Variants in SCP2 observed in about 807,000 individuals in gnomAD.
SCP2 encodes sterol carrier protein 2, also known as SCP-2/3-oxoacyl-CoA thiolase.
SCP2 carries 48 observed loss-of-function variants against 71.4 expected under a neutral mutation model. The ratio of observed to expected loss-of-function variants is 0.67; its 90% CI spans 0.53 to 0.86. SCP2 has a LOEUF of 0.86. Ranked by LOEUF, SCP2 falls within the 40% of genes least tolerant of loss-of-function variation. SCP2 has a pLI of 0.00. For missense variants in SCP2, 560 were observed against 655.6 expected, an observed-to-expected ratio of 0.85 and a Z score of 1.59; for synonymous variants, 220 against 218.1, an observed-to-expected ratio of 1.01 and a Z score of -0.08.
At position 52,967,529 on chromosome 1, in the gene SCP2, G is replaced by A. The variant is rs539492248; in HGVS notation, c.523+5900G>A. Among the ~76,000 whole-genome samples the A allele has an allele frequency of 2.0e-5, 3 of 152,204 alleles. No homozygotes were observed. In the East Asian group the frequency reaches 5.8e-4, roughly 29 times the overall value. On this transcript the variant is annotated intron_variant, in intron 6 of 15. Transcript: ENST00000371514. ...TGTCATTTGTTTATTTTGAGATGGA[G>A]TCTTGCTCTGTTGCCCAGGCTGGAG...
intron 13 of SCP2, among the ~76,000 whole-genome samples, chr1:53,036,093 G>A (rs1055269557): frequency 1.3e-5 from 2 of 150,132 alleles, no homozygotes; most frequent in Non-Finnish European, 3.0e-5. Flanking sequence ...ACAATCAACA[G>A]GATATTGGTT....
chr1:52,978,141 A>G (rs1285334592), intron 8 of SCP2, 76 bp from the exon 9 acceptor site: 2 of 1,440,754 alleles, frequency 1.4e-6, no homozygotes, highest in South Asian at 1.2e-5. Context: ...TTCCTTTCAC[A>G]TAGAAGTAAC....
intron 11 of SCP2, among the ~76,000 whole-genome samples, chr1:53,002,144 G>A (rs559290976): frequency 2.0e-5 from 3 of 149,334 alleles, no homozygotes; most frequent in South Asian, 2.1e-4. Flanking sequence ...CCGAGATCAC[G>A]CCACTGCACT....
intron 14 of SCP2, among the ~76,000 whole-genome samples, chr1:53,040,131 T>C (rs1460921673): frequency 1.3e-5 from 2 of 152,212 alleles, no homozygotes; most frequent in Non-Finnish European, 2.9e-5. Flanking sequence ...ATCATTGTTT[T>C]ATCCGGTCTC....
At chr1:53,031,259 C>T (rs1005912135) in intron 13 of SCP2, among the ~76,000 whole-genome samples, 6 of 152,132 alleles carry the variant, frequency 3.9e-5, no homozygotes, top group Admixed American at 3.9e-4. Flanking sequence ...TTTTATTTTA[C>T]AGTATTCTTT....
At chr1:53,011,239 C>G (rs1045937675) in intron 11 of SCP2, among the ~76,000 whole-genome samples, 1 of 152,148 alleles carries the variant, frequency 6.6e-6, no homozygotes, top group Non-Finnish European at 1.5e-5. Flanking sequence ...CGGATTATGA[C>G]TTTATTGTAC....
chr1:53,048,869 C>T (rs771771951), intron 15 of SCP2: 2 of 152,188 alleles, frequency 1.3e-5, no homozygotes, highest in African/African-American at 2.4e-5. Flanking sequence ...GAAACTAAGA[C>T]GTTTCTTTCC....
intron 6 of SCP2, among the ~76,000 whole-genome samples, chr1:52,971,452 T>C (rs1657488094): frequency 1.3e-5 from 2 of 152,256 alleles, no homozygotes. Context: ...AATGTCATTG[T>C]AGGGAACAAG....
At chr1:52,970,017 G>GT (rs1349472306) in intron 6 of SCP2, among the ~76,000 whole-genome samples, 1 of 151,916 alleles carries the variant, frequency 6.6e-6, no homozygotes, top group African/African-American at 2.4e-5. Flanking sequence ...CCTGATTACT[G>GT]TGTTAAATGT....
Position 52,960,080 on chromosome 1 carries a change from C to T in SCP2, c.397-1423C>T, listed in dbSNP as rs1314034801. 3.3e-5 allele frequency among the ~76,000 whole-genome samples: 5 copies of T among 151,718 alleles called. No homozygotes were observed. The East Asian group carries it at 7.8e-4, about 24-fold the overall frequency. ...CTAATTTTTTTATTTTTAGTAGCGA[C>T]GGGGTTTCACCACGTTGGCCAGGCT... is the stretch of plus-strand genomic sequence containing the variant. On this transcript the variant is annotated intron_variant, in intron 5 of 15. Coordinates refer to ENST00000371514, the MANE Select transcript of SCP2 (RefSeq NM_002979.5).
At chr1:52,933,567 C>T (rs1653368155) in intron 1 of SCP2, among the ~76,000 whole-genome samples, 1 of 152,120 alleles carries the variant, frequency 6.6e-6, no homozygotes, top group Non-Finnish European at 1.5e-5. Context: ...CAAAGGGAAA[C>T]AATCATATGT....
rs72899313 is a variant in SCP2, at chr1:52,965,373, T to C, written c.523+3744T>C. ...TAGGATTGTATTAATCTTGTTAATT[T>C]AGGGAAAACTGATGTATTTATGAGG... On this transcript the variant is annotated intron_variant, in intron 6 of 15. Transcript: ENST00000371514. Among the ~76,000 whole-genome samples the C allele has an allele frequency of 2.6e-3, 400 of 152,354 alleles. 1 individual carries two copies. Among genetic ancestry groups the C allele is most frequent in the African/African-American group, 9.1e-3 (378 of 41,592 alleles).
intron 11 of SCP2, among the ~76,000 whole-genome samples, chr1:53,000,930 G>A (rs1457002700): frequency 6.6e-6 from 1 of 152,056 alleles, no homozygotes; most frequent in Non-Finnish European, 1.5e-5. Flanking sequence ...ACTCCAACCT[G>A]TGTGGTAGAG....
In SCP2 at chr1:52,961,523, C is replaced by T. The variant is rs1656445261; in HGVS notation, c.417C>T (p.Pro139=). 3 of 1,613,686 alleles carry T rather than the reference C, an allele frequency of 1.9e-6. No homozygotes were observed. The African/African-American group carries it at 4.0e-5, about 22-fold the overall frequency. ...CTTAGTTTTCAGATAGAACCATTCC[C>T]ACTGATAAGCATGTTGACCTCCTGA... ...LGIKFSDRTI[P]TDKHVDLLIN... The change falls in exon 6 of 16, where the codon CCC becomes CCT. Residue 139 remains proline (P), a synonymous_variant. Transcript: ENST00000371514.
chr1:52,978,194 G>T (rs1203895036), intron 8 of SCP2, 23 bp from the exon 9 acceptor site: 4 of 1,612,066 alleles, frequency 2.5e-6, no homozygotes, highest in East Asian at 4.5e-5. Context: ...TGGGTGTGGA[G>T]AATTATTTTT....
At chr1:53,018,178 C>T (rs189137150) in intron 12 of SCP2, among the ~76,000 whole-genome samples, 53 of 152,262 alleles carry the variant, frequency 3.5e-4, no homozygotes, top group African/African-American at 1.1e-3. Flanking sequence ...CAATTAGAAC[C>T]TGTTAGGTAG....
rs1659891971 is a variant in SCP2 at position 52,995,790 on chromosome 1, T to C, written c.1081+7654T>C. ...CATGGCTTCAAGATGGCGGTCACCT[T>C]AATCGGCAGCAGCACGGCCATCCAG... On this transcript the variant is annotated intron_variant, in intron 11 of 15. Transcript: ENST00000371514. 8.4e-6 allele frequency: 7 copies of C among 833,610 alleles called. 1 individual carries two copies. The highest frequency in any genetic ancestry group is 1.8e-5 in the Admixed American group (1 of 56,988). The allele number at this position is 833,610 out of a possible 1,614,324, so 51.6% of individuals were successfully genotyped here. A position where few individuals can be genotyped will look rare whatever the true frequency, so the allele number is the denominator to read the frequency against.
At chr1:52,987,961 TTATAAAAGCA>T in intron 10 of SCP2, 58 bp from the exon 11 acceptor site, 2 of 864,362 alleles carry the variant, frequency 2.3e-6, no homozygotes, top group Non-Finnish European at 3.9e-6. Context: ...TATGGAAATC[TTATAAAAGCA>T]TATCATTTGT....
intron 14 of SCP2, among the ~76,000 whole-genome samples, chr1:53,039,506 A>G (rs1238315435): frequency 6.6e-6 from 1 of 152,084 alleles, no homozygotes; most frequent in East Asian, 1.9e-4. Context: ...TTCTTATCCA[A>G]ATCTTTTTTG....
Sources: gnomAD v4.1 joint callset for allele counts (sites outside exome capture counted in the v4.1 genomes callset) on GRCh38, gnomAD v4.1.1 for gene constraint, MANE v1.5 for transcripts, NCBI Gene and HGNC (gene_info 2026-07-23, HGNC 2026-07-21) for gene names.